MYO3A: variants seen among roughly 807,000 people sequenced by gnomAD.
The protein encoded by MYO3A is myosin IIIA.
Under a neutral mutation model 192.7 loss-of-function variants are expected in MYO3A, and 180 were observed. That is an observed-to-expected ratio of 0.93 (90% CI 0.83 to 1.06). MYO3A has a LOEUF of 1.06. MYO3A is among the 50% of genes least tolerant of loss of function. The pLI is 0.00. For synonymous variants in MYO3A, 628 were observed against 645.3 expected (o/e 0.97, Z 0.41); for missense variants, 1,896 against 1,905.0 (o/e 1.00, Z 0.09).
chr10:26,051,925 G>A (rs1380945356), intron 10 of MYO3A, among the ~76,000 whole-genome samples: 3 of 152,128 alleles, frequency 2.0e-5, no homozygotes, highest in Non-Finnish European at 4.4e-5. Flanking sequence ...TACATAAAAT[G>A]TGCCCTGGAG....
At position 26,147,554 on chromosome 10, in the gene MYO3A, A is replaced by G; in HGVS notation, c.2630A>G (p.Lys877Arg). The G allele has an allele frequency of 6.2e-7, 1 of 1,614,012 alleles. No homozygotes were observed. Among genetic ancestry groups the G allele is most frequent in the Non-Finnish European group, 8.5e-7 (1 of 1,179,940 alleles). ...CAACTAGTCAACCACCCTCTGACCA[A>G]AACAGGTAAGACAATTTTCCTTACC... ...IRQLVNHPLT[K>R]TGNLPHSKTK... Residue 877 changes from lysine to arginine, a missense_variant, in exon 23 of 35, where the codon AAA becomes AGA. Coordinates refer to ENST00000642920, the MANE Select transcript of MYO3A (RefSeq NM_017433.5).
chr10:26,080,581 TA>T (rs1835857857), intron 14 of MYO3A, among the ~76,000 whole-genome samples: 1 of 128,572 alleles, frequency 7.8e-6, no homozygotes, highest in Non-Finnish European at 1.7e-5. Flanking sequence ...TGAACTAGTG[TA>T]ATTTTTTTGG....
rs7072556 is a variant in MYO3A, at chr10:25,974,731, A to C, written c.303+19723A>C. On this transcript the variant is annotated intron_variant, in intron 4 of 34. Transcript: ENST00000642920. ...TGTATGCCCTTATGACAATTTCCAA[A>C]AACTTAAAATGGCTCTTTATTTTTC... Among the ~76,000 whole-genome samples the C allele has an allele frequency of 3.0e-3, 454 of 152,324 alleles. 2 individuals are homozygous for C. Among genetic ancestry groups the C allele is most frequent in the African/African-American group, 0.01 (436 of 41,574 alleles).
chr10:26,140,684 C>CAA (rs531657966), intron 20 of MYO3A, among the ~76,000 whole-genome samples: 18 of 68,824 alleles, frequency 2.6e-4, no homozygotes, highest in African/African-American at 9.5e-4. Context: ...GACTCTGTCT[C>CAA]AAAAAAAAAA....
intron 17 of MYO3A, among the ~76,000 whole-genome samples, chr10:26,100,222 A>G (rs1837348994): frequency 6.6e-6 from 1 of 152,150 alleles, no homozygotes; most frequent in African/African-American, 2.4e-5. Flanking sequence ...ATCTGATGGT[A>G]GTTTGTATTT....
chr10:26,010,007 A>G (rs1263399413), intron 6 of MYO3A, among the ~76,000 whole-genome samples: 3 of 152,220 alleles, frequency 2.0e-5, no homozygotes, highest in Non-Finnish European at 2.9e-5. Context: ...CCAGTACTGG[A>G]CATATGTACA....
intron 20 of MYO3A, among the ~76,000 whole-genome samples, chr10:26,129,245 A>G (rs1839397509): frequency 1.3e-5 from 2 of 152,252 alleles, no homozygotes; most frequent in South Asian, 4.1e-4. Context: ...AGGCTTCTTA[A>G]GAGTTTATTT....
intron 15 of MYO3A, among the ~76,000 whole-genome samples, chr10:26,090,717 T>G (rs1836649374): frequency 6.6e-6 from 1 of 152,210 alleles, no homozygotes; most frequent in Non-Finnish European, 1.5e-5. Context: ...AATTATAAAT[T>G]TAATTGCACT....
At chr10:25,978,937 A>G (rs535183436) in intron 4 of MYO3A, among the ~76,000 whole-genome samples, 1 of 152,290 alleles carries the variant, frequency 6.6e-6, no homozygotes, top group Non-Finnish European at 1.5e-5. Context: ...GCAGACTATT[A>G]TTATTGCCTC....
chr10:26,096,581 G>T lies in MYO3A; in HGVS notation c.1675G>T (p.Asp559Tyr). 1.2e-6 allele frequency: 2 copies of T among 1,601,160 alleles called. No homozygotes were observed. The highest frequency in any genetic ancestry group is 2.2e-5 in the South Asian group (2 of 90,680). Reference protein sequence around the residue: ...ENKPPRYLQNDHLRTVQDIMN... With the variant: ...ENKPPRYLQNYHLRTVQDIMN... ...TATTTTTTTTAGGTACCTACAAAATGACCACCTCAGAACAGTACAAGACAT... is the reference window on the plus strand; with the variant it reads ...TATTTTTTTTAGGTACCTACAAAATTACCACCTCAGAACAGTACAAGACAT... The change falls in exon 17 of 35, where the codon GAC becomes TAC. Residue 559 changes from aspartate to tyrosine, a missense_variant. Asp to Tyr is a radical substitution (Grantham distance 160, BLOSUM62 -3). Transcript: ENST00000642920.
chr10:26,157,264 T>G, intron 25 of MYO3A, 46 bp from the exon 26 acceptor site: 1 of 1,571,230 alleles, frequency 6.4e-7, no homozygotes. Context: ...AGCTCATACG[T>G]TTTTGTATGC....
chr10:26,018,274 T>C (rs1377700718), intron 7 of MYO3A, among the ~76,000 whole-genome samples: 1 of 151,796 alleles, frequency 6.6e-6, no homozygotes, highest in Non-Finnish European at 1.5e-5. Context: ...CAAGCTGTCA[T>C]GGAAATACAT....
At chr10:26,202,807 CTG>C in intron 33 of MYO3A, 155 bp from the exon 34 acceptor site, 2 of 779,210 alleles carry the variant, frequency 2.6e-6, no homozygotes, top group Non-Finnish European at 4.0e-6. Context: ...ATGGGATACA[CTG>C]TTTTTCCCAC....
At chr10:26,126,326 T>C (rs1839212327) in intron 19 of MYO3A, among the ~76,000 whole-genome samples, 1 of 152,182 alleles carries the variant, frequency 6.6e-6, no homozygotes, top group African/African-American at 2.4e-5. Context: ...GATGGATGCC[T>C]ACCATAAGAT....
At chr10:26,010,206 G>GGA (rs112438670) in intron 6 of MYO3A, among the ~76,000 whole-genome samples, 13,291 of 152,218 alleles carry the variant, frequency 0.087, 980 homozygotes, top group African/African-American at 0.19. Flanking sequence ...CAGGAAGACT[G>GGA]GAGAGGATGG....
intron 2 of MYO3A, among the ~76,000 whole-genome samples, chr10:25,945,429 C>T (rs1836772424): frequency 6.6e-6 from 1 of 151,948 alleles, no homozygotes; most frequent in Non-Finnish European, 1.5e-5. Context: ...GATTTTCTGT[C>T]TCATTGTTCT....
At chr10:26,095,337 G>T (rs1836950094) in intron 15 of MYO3A, among the ~76,000 whole-genome samples, 1 of 152,200 alleles carries the variant, frequency 6.6e-6, no homozygotes, top group Non-Finnish European at 1.5e-5. Flanking sequence ...CAGCCTGTGA[G>T]CCTGGTGATA....
At chr10:26,117,693 T>G (rs1428699658) in intron 17 of MYO3A, among the ~76,000 whole-genome samples, 1 of 152,242 alleles carries the variant, frequency 6.6e-6, no homozygotes, top group Non-Finnish European at 1.5e-5. Context: ...TGTGGCTACA[T>G]AGTATTCCAT....
chr10:25,993,187 G>T (rs556031528), intron 4 of MYO3A, among the ~76,000 whole-genome samples: 3 of 152,060 alleles, frequency 2.0e-5, no homozygotes, highest in Non-Finnish European at 4.4e-5. Context: ...CAATTTCAGA[G>T]CCTGTTATTG....
Sources: allele counts gnomAD v4.1 joint callset (sites outside exome capture counted in the v4.1 genomes callset), GRCh38; gene constraint gnomAD v4.1.1; transcripts MANE v1.5; gene names NCBI Gene and HGNC (gene_info 2026-07-23, HGNC 2026-07-21).